Variants in ANKRD44 observed in about 807,000 individuals in gnomAD.
ANKRD44 encodes the protein serine/threonine-protein phosphatase 6 regulatory ankyrin repeat subunit B.
A neutral mutation model predicts 116.0 loss-of-function variants in ANKRD44; 35 were observed. That is an observed-to-expected ratio of 0.30 (90% CI 0.23 to 0.40). The LOEUF is 0.40. ANKRD44 is among the 10% of genes least tolerant of loss of function. The probability of loss-of-function intolerance (pLI) is 1.00; values close to 1 mark genes in which losing one functional copy is unlikely to be tolerated. For synonymous variants in ANKRD44, 435 were observed against 461.8 expected (o/e 0.94, Z 0.74); for missense variants, 1,014 against 1,242.6 (o/e 0.82, Z 2.77).
At position 197,052,229 on chromosome 2, in the gene ANKRD44, T is replaced by C. The variant is rs1010018572; in HGVS notation, c.1650+26474A>G. On this transcript the variant is annotated intron_variant, in intron 16 of 27. Coordinates refer to ENST00000282272, the MANE Select transcript of ANKRD44 (RefSeq NM_001195144.2). Reference sequence around the variant, plus strand: ...ATCCTTCACGTTTAATTTGACTGCATAGAAAATTTGTGAGTTGAATGGAGA... The same window carrying C: ...ATCCTTCACGTTTAATTTGACTGCACAGAAAATTTGTGAGTTGAATGGAGA... Among the ~76,000 whole-genome samples the C allele has an allele frequency of 5.3e-5, 8 of 152,358 alleles. No individual in the cohort carries two copies. In the South Asian group the frequency reaches 1.4e-3, roughly 28 times the overall value.
At chr2:197,066,640 C>A (rs1033837467) in intron 16 of ANKRD44, among the ~76,000 whole-genome samples, 2 of 152,242 alleles carry the variant, frequency 1.3e-5, no homozygotes, top group East Asian at 1.9e-4. Flanking sequence ...TTCTTATACA[C>A]CAATAACAGA....
intron 1 of ANKRD44, among the ~76,000 whole-genome samples, chr2:197,271,593 C>T (rs2082900013): frequency 6.6e-6 from 1 of 152,164 alleles, no homozygotes; most frequent in Non-Finnish European, 1.5e-5. Flanking sequence ...CCATTAAATT[C>T]ACAATCCACT....
At chr2:197,127,117 T>C (rs1008485956) in intron 4 of ANKRD44, among the ~76,000 whole-genome samples, 1 of 152,318 alleles carries the variant, frequency 6.6e-6, no homozygotes, top group Non-Finnish European at 1.5e-5. Flanking sequence ...CTTTATTTTA[T>C]AGGCAAGATG....
chr2:197,010,121 G>C (rs2076271078), intron 18 of ANKRD44, among the ~76,000 whole-genome samples: 1 of 152,086 alleles, frequency 6.6e-6, no homozygotes, highest in Non-Finnish European at 1.5e-5. Flanking sequence ...GAAGGGAAGG[G>C]AGTAGGGACC....
chr2:197,278,928 T>C (rs80046778), intron 1 of ANKRD44, among the ~76,000 whole-genome samples: 5,129 of 152,284 alleles, frequency 0.034, 283 homozygotes, highest in African/African-American at 0.12. Context: ...GAAGAATCCC[T>C]CCACGTGGAA....
At chr2:197,073,675 G>T (rs2077606299) in intron 16 of ANKRD44, among the ~76,000 whole-genome samples, 1 of 152,180 alleles carries the variant, frequency 6.6e-6, no homozygotes, top group Non-Finnish European at 1.5e-5. Flanking sequence ...GGGGTCAAGA[G>T]AAGGCATTCT....
intron 27 of ANKRD44, among the ~76,000 whole-genome samples, chr2:196,991,241 T>G (rs564732113): frequency 2.0e-5 from 3 of 152,082 alleles, no homozygotes; most frequent in East Asian, 1.9e-4. Context: ...AGGGGGTGGG[T>G]GTGGGACACA....
intron 16 of ANKRD44, chr2:197,078,427 G>A (rs950567310): frequency 2.8e-6 from 2 of 711,874 alleles, no homozygotes; most frequent in South Asian, 1.9e-5. Context: ...GCTGGTGTTA[G>A]GAGGCAGAAA....
chr2:197,249,156 C>A (rs530316485), intron 1 of ANKRD44, among the ~76,000 whole-genome samples: 1 of 152,166 alleles, frequency 6.6e-6, no homozygotes, highest in South Asian at 2.1e-4. Context: ...ACCTGAAGAC[C>A]CAACTACTTG....
At chr2:197,063,005 T>C (rs894462552) in intron 16 of ANKRD44, among the ~76,000 whole-genome samples, 4 of 152,186 alleles carry the variant, frequency 2.6e-5, no homozygotes, top group South Asian at 4.1e-4. Context: ...GATCTGAGAA[T>C]GGACAGACTG....
chr2:197,282,073 G>T (rs2083281708), intron 1 of ANKRD44, among the ~76,000 whole-genome samples: 1 of 152,116 alleles, frequency 6.6e-6, no homozygotes, highest in African/African-American at 2.4e-5. Flanking sequence ...CTAACAAGGT[G>T]AAACCCCGTC....
At position 197,086,754 on chromosome 2, in the gene ANKRD44, A is replaced by G. The variant is rs773151084; in HGVS notation, c.1248-6T>C. ...GTTTTATACATTCCACATTACTAGAAAGACAGGGAAAACATCATTAAGATG... is the reference window on the plus strand; with the variant it reads ...GTTTTATACATTCCACATTACTAGAGAGACAGGGAAAACATCATTAAGATG... On this transcript the variant is annotated splice_polypyrimidine_tract_variant and splice_region_variant and intron_variant, in intron 12 of 27. Coordinates refer to ENST00000282272, the MANE Select transcript of ANKRD44 (RefSeq NM_001195144.2). 1.9e-6 allele frequency: 3 copies of G among 1,613,336 alleles called. No individual in the cohort carries two copies. The East Asian group carries it at 6.7e-5, about 36-fold the overall frequency.
intron 16 of ANKRD44, among the ~76,000 whole-genome samples, chr2:197,058,505 T>C (rs2077246672): frequency 6.6e-6 from 1 of 151,890 alleles, no homozygotes; most frequent in South Asian, 2.1e-4. Context: ...AAATAATAGA[T>C]AAGTTTAAGA....
chr2:197,014,694 G>A (rs1019048593), intron 17 of ANKRD44, among the ~76,000 whole-genome samples: 4 of 151,950 alleles, frequency 2.6e-5, no homozygotes, highest in Admixed American at 6.5e-5. Flanking sequence ...GCTGAGGCAG[G>A]AGAATTGCTT....
intron 21 of ANKRD44, among the ~76,000 whole-genome samples, chr2:196,973,456 A>G (rs1044248203): frequency 6.6e-6 from 1 of 152,160 alleles, no homozygotes; most frequent in Non-Finnish European, 1.5e-5. Flanking sequence ...AAATATATCA[A>G]TCTTTTAATT....
intron 9 of ANKRD44, among the ~76,000 whole-genome samples, chr2:197,107,048 A>G (rs575902787): frequency 6.6e-6 from 1 of 152,302 alleles, no homozygotes; most frequent in South Asian, 2.1e-4. Context: ...TTGGAGATTG[A>G]TCATTGACAA....
At chr2:197,030,697 C>G (rs2076688524) in intron 16 of ANKRD44, among the ~76,000 whole-genome samples, 1 of 151,554 alleles carries the variant, frequency 6.6e-6, no homozygotes, top group African/African-American at 2.4e-5. Context: ...TTCCAATAAT[C>G]TTGTAAACAC....
chr2:197,061,130 C>T (rs959553106), intron 16 of ANKRD44, among the ~76,000 whole-genome samples: 1 of 152,148 alleles, frequency 6.6e-6, no homozygotes, highest in Non-Finnish European at 1.5e-5. Flanking sequence ...TATAAACAAC[C>T]TAACCCCCGT....
At chr2:197,083,311 C>T (rs2077840361) in intron 14 of ANKRD44, 58 bp downstream of exon 14, 6 of 1,528,502 alleles carry the variant, frequency 3.9e-6, no homozygotes, top group Non-Finnish European at 5.3e-6. Context: ...CTTAGCAATC[C>T]TTCCCCACCA....
Sources: gnomAD v4.1 joint callset for allele counts (sites outside exome capture counted in the v4.1 genomes callset) on GRCh38, gnomAD v4.1.1 for gene constraint, MANE v1.5 for transcripts, NCBI Gene and HGNC (gene_info 2026-07-23, HGNC 2026-07-21) for gene names.